The following MROH9 variants were observed in gnomAD, a reference collection of about 807,000 sequenced individuals.
The protein encoded by MROH9 is maestro heat-like repeat-containing protein family member 9.
MROH9 carries 92 observed loss-of-function variants against 98.2 expected under a neutral mutation model. The observed-to-expected ratio is 0.94, with a 90% CI of 0.79 to 1.11. The LOEUF is 1.11. Among genes scored for constraint, MROH9 ranks in the 50% most tolerant of loss-of-function variants. The pLI, the probability that MROH9 is intolerant of heterozygous loss-of-function variation, is 0.00. For missense variants in MROH9, 1,057 were observed against 1,014.8 expected (o/e 1.04, Z -0.57); for synonymous variants, 397 against 368.9 (o/e 1.08, Z -0.87).
intron 19 of MROH9, 139 bp from the exon 20 acceptor site, chr1:171,025,179 G>T: frequency 1.7e-6 from 1 of 588,908 alleles, no homozygotes; most frequent in East Asian, 2.8e-5. Flanking sequence ...GTTGAGTTTG[G>T]GAACAAGAGT....
rs1571436416 is a variant in MROH9 at position 170,945,598 on chromosome 1, CA to C, written c.25+19del. 6.2e-7 allele frequency: 1 copy of C among 1,608,792 alleles called. No individual in the cohort carries two copies. The highest frequency in any genetic ancestry group is 8.5e-7 in the Non-Finnish European group (1 of 1,177,082). On this transcript the variant is annotated intron_variant, in intron 2 of 21. Transcript: ENST00000367759. Reference sequence around the variant, plus strand: ...CAAAAACAAGTAAGGCTTTAGGACACAATAGAGATGGGAGAAGGTATTTTTG... The same window carrying C: ...CAAAAACAAGTAAGGCTTTAGGACACATAGAGATGGGAGAAGGTATTTTTG...
At chr1:170,994,898 G>A (rs1651500888) in intron 12 of MROH9, among the ~76,000 whole-genome samples, 1 of 134,602 alleles carries the variant, frequency 7.4e-6, no homozygotes, top group Non-Finnish European at 1.7e-5. Context: ...TTGGGAATGT[G>A]TCTTTTAAGA....
intron 1 of MROH9, among the ~76,000 whole-genome samples, chr1:170,943,219 T>C (rs774524388): frequency 6.6e-6 from 1 of 152,078 alleles, no homozygotes; most frequent in Non-Finnish European, 1.5e-5. Context: ...CTATAAAATG[T>C]GATTTCAAAG....
At chr1:171,061,975 A>G (rs1571178417) in intron 20 of MROH9, among the ~76,000 whole-genome samples, 157 bp from the exon 21 acceptor site, 1 of 152,290 alleles carries the variant, frequency 6.6e-6, no homozygotes. Context: ...TCAATAAACA[A>G]TTTTATGAGA....
intron 1 of MROH9, among the ~76,000 whole-genome samples, chr1:170,944,341 AAAGT>A (rs983644934): frequency 6.6e-6 from 1 of 152,112 alleles, no homozygotes; most frequent in African/African-American, 2.4e-5. Context: ...ACACACATAC[AAAGT>A]AAGGAGAAAA....
At chr1:170,949,025 C>T (rs1363560980) in intron 3 of MROH9, among the ~76,000 whole-genome samples, 1 of 152,052 alleles carries the variant, frequency 6.6e-6, no homozygotes, top group Non-Finnish European at 1.5e-5. Flanking sequence ...AGGTGTTGAA[C>T]TGCAATGCAC....
At chr1:171,027,161 G>T (rs1026305561) in intron 20 of MROH9, among the ~76,000 whole-genome samples, 9 of 151,264 alleles carry the variant, frequency 5.9e-5, no homozygotes, top group Admixed American at 4.6e-4. Flanking sequence ...GTGCCATGGT[G>T]GTTCGCTGCC....
chr1:171,000,517 CTA>C (rs1240668889), intron 15 of MROH9, among the ~76,000 whole-genome samples: 1 of 151,896 alleles, frequency 6.6e-6, no homozygotes, highest in Non-Finnish European at 1.5e-5. Flanking sequence ...TTGTTTTTAG[CTA>C]TGTTTCTGTG....
At chr1:171,013,874 TACACACACACACACACACACAC>T (rs34557125) in intron 15 of MROH9, among the ~76,000 whole-genome samples, 2 of 144,274 alleles carry the variant, frequency 1.4e-5, no homozygotes, top group African/African-American at 5.1e-5. Flanking sequence ...GTAAAATACA[TACACACACACACACACACACAC>T]ACACACACAC....
intron 5 of MROH9, among the ~76,000 whole-genome samples, chr1:170,961,173 G>A (rs2101892463): frequency 6.6e-6 from 1 of 152,196 alleles, no homozygotes; most frequent in East Asian, 1.9e-4. Context: ...GCAACAGTTA[G>A]AATAAAATAT....
intron 20 of MROH9, among the ~76,000 whole-genome samples, chr1:171,026,663 T>C (rs1652722173): frequency 6.6e-6 from 1 of 152,142 alleles, no homozygotes; most frequent in African/African-American, 2.4e-5. Flanking sequence ...TATATAACTA[T>C]TGCAAGATTG....
At position 171,024,816 on chromosome 1, in the gene MROH9, C is replaced by T. The variant is rs1001095948; in HGVS notation, c.2178+51C>T. 7 of 1,089,224 alleles carry T rather than the reference C, an allele frequency of 6.4e-6. No individual in the cohort carries two copies. In the African/African-American group the frequency reaches 7.9e-5, roughly 12 times the overall value. 67.5% of individuals were successfully genotyped at this position (1,089,224 alleles called of 1,614,324 possible). ...CTATAAGAGTTGTAGACAAAACTTA[C>T]AGGATATCCAAAGTGATAAAAACTG... On this transcript the variant is annotated intron_variant, in intron 19 of 21. Coordinates refer to ENST00000367759, the MANE Select transcript of MROH9 (RefSeq NM_001163629.2).
At chr1:170,968,265 A>G (rs565030311) in intron 7 of MROH9, among the ~76,000 whole-genome samples, 2 of 152,218 alleles carry the variant, frequency 1.3e-5, no homozygotes, top group African/African-American at 2.4e-5. Context: ...AAACATGTAC[A>G]GAAGAACCTA....
intron 15 of MROH9, among the ~76,000 whole-genome samples, chr1:171,006,525 T>C (rs1438074073): frequency 2.0e-5 from 3 of 152,096 alleles, no homozygotes; most frequent in Admixed American, 2.0e-4. Flanking sequence ...CCCCAACTTC[T>C]GGAACTCCTA....
At chr1:170,971,632 A>T in intron 7 of MROH9, 116 bp from the exon 8 acceptor site, 1 of 1,198,390 alleles carries the variant, frequency 8.3e-7, no homozygotes, top group Non-Finnish European at 1.2e-6. Context: ...AGATATTGTA[A>T]ACTCTGAAGC....
chr1:170,968,533 A>C (rs1425917218), intron 7 of MROH9, among the ~76,000 whole-genome samples: 1 of 152,198 alleles, frequency 6.6e-6, no homozygotes, highest in Non-Finnish European at 1.5e-5. Flanking sequence ...AAATTTGGGG[A>C]AACTCTCCAA....
At chr1:170,949,008 T>C (rs1372216461) in intron 3 of MROH9, among the ~76,000 whole-genome samples, 1 of 152,064 alleles carries the variant, frequency 6.6e-6, no homozygotes, top group Non-Finnish European at 1.5e-5. Flanking sequence ...CAGGATTAGG[T>C]ACAAGGAGGT....
At chr1:170,939,596 A>G (rs1057490536) in intron 1 of MROH9, among the ~76,000 whole-genome samples, 1 of 152,170 alleles carries the variant, frequency 6.6e-6, no homozygotes, top group Non-Finnish European at 1.5e-5. Context: ...GCTTTTGGCC[A>G]TTTCTTTATG....
intron 5 of MROH9, among the ~76,000 whole-genome samples, chr1:170,961,208 A>T (rs570100272): frequency 6.6e-6 from 1 of 152,386 alleles, no homozygotes; most frequent in South Asian, 2.1e-4. Context: ...ATTCTAAAAG[A>T]CAGTGGAAAA....
Sources: gnomAD v4.1 joint callset for allele counts (sites outside exome capture counted in the v4.1 genomes callset) on GRCh38, gnomAD v4.1.1 for gene constraint, MANE v1.5 for transcripts, NCBI Gene and HGNC (gene_info 2026-07-23, HGNC 2026-07-21) for gene names.